MEIKIN: variants seen among roughly 807,000 people sequenced by gnomAD.
MEIKIN encodes meiotic kinetochore factor.
intron 4 of MEIKIN, among the ~76,000 whole-genome samples, chr5:131,936,189 T>A (rs1404272227): frequency 6.6e-6 from 1 of 152,234 alleles, no homozygotes; most frequent in Non-Finnish European, 1.5e-5. Flanking sequence ...TGGGAGGCTG[T>A]CCTGGTGTCA....
intron 8 of MEIKIN, among the ~76,000 whole-genome samples, chr5:131,899,848 T>C (rs1251978826): frequency 6.6e-6 from 1 of 151,994 alleles, no homozygotes; most frequent in Non-Finnish European, 1.5e-5. Context: ...AAGAGAAAAA[T>C]AGGCCCTAAT....
intron 8 of MEIKIN, among the ~76,000 whole-genome samples, chr5:131,891,475 C>T (rs182360068): frequency 1.1e-4 from 16 of 152,330 alleles, no homozygotes; most frequent in Admixed American, 5.2e-4. Flanking sequence ...TATGTAATGG[C>T]CTCCTTTGTC....
At chr5:131,915,306 T>G (rs149263953) in intron 7 of MEIKIN, among the ~76,000 whole-genome samples, 1 of 151,984 alleles carries the variant, frequency 6.6e-6, no homozygotes, top group Non-Finnish European at 1.5e-5. Flanking sequence ...AGGCCTTAAG[T>G]TTATGAGTCA....
At chr5:131,865,715 T>A (rs1410000615) in intron 9 of MEIKIN, among the ~76,000 whole-genome samples, 1 of 152,240 alleles carries the variant, frequency 6.6e-6, no homozygotes, top group Non-Finnish European at 1.5e-5. Context: ...TGTATGTGCA[T>A]ATGTGTTGGT....
chr5:131,911,486 C>G (rs143385879), intron 8 of MEIKIN, among the ~76,000 whole-genome samples: 38 of 151,628 alleles, frequency 2.5e-4, no homozygotes, highest in Non-Finnish European at 4.9e-4. Context: ...TATATGTTCA[C>G]TTATTGTCCT....
At chr5:131,878,869 C>T in intron 9 of MEIKIN, 109 bp downstream of exon 9, 1 of 338,736 alleles carries the variant, frequency 3.0e-6, no homozygotes, top group Non-Finnish European at 5.1e-6. Flanking sequence ...AATGAGACCC[C>T]ATTTCTTAAA....
At chr5:131,906,133 G>A (rs1751238952) in intron 8 of MEIKIN, among the ~76,000 whole-genome samples, 1 of 152,076 alleles carries the variant, frequency 6.6e-6, no homozygotes, top group South Asian at 2.1e-4. Flanking sequence ...ATCTCACAAA[G>A]GTCTAATATC....
intron 12 of MEIKIN, among the ~76,000 whole-genome samples, chr5:131,817,814 G>A (rs1773130752): frequency 6.6e-6 from 1 of 152,154 alleles, no homozygotes; most frequent in Non-Finnish European, 1.5e-5. Context: ...CAAGAATTAA[G>A]AGTGGACATC....
intron 10 of MEIKIN, among the ~76,000 whole-genome samples, chr5:131,851,777 C>T (rs1376076178): frequency 1.3e-5 from 2 of 152,088 alleles, no homozygotes; most frequent in Non-Finnish European, 2.9e-5. Context: ...TTAAAAATTT[C>T]CAAAAAAGAT....
intron 9 of MEIKIN, among the ~76,000 whole-genome samples, chr5:131,878,271 A>G (rs1393306534): frequency 6.6e-6 from 1 of 152,248 alleles, no homozygotes; most frequent in African/African-American, 2.4e-5. Context: ...AGGAATTCCT[A>G]TAAAAGTATT....
At chr5:131,816,294 G>T (rs1773097789) in intron 12 of MEIKIN, among the ~76,000 whole-genome samples, 1 of 152,204 alleles carries the variant, frequency 6.6e-6, no homozygotes, top group Non-Finnish European at 1.5e-5. Flanking sequence ...CAATTATTCA[G>T]TTCAATACTA....
At chr5:131,883,358 A>G (rs1351836614) in intron 8 of MEIKIN, among the ~76,000 whole-genome samples, 3 of 152,226 alleles carry the variant, frequency 2.0e-5, no homozygotes, top group African/African-American at 7.2e-5. Context: ...GAATCTAGGA[A>G]CTAACTTTGA....
chr5:131,843,614 A>G (rs1749957706), intron 11 of MEIKIN, among the ~76,000 whole-genome samples: 1 of 152,246 alleles, frequency 6.6e-6, no homozygotes, highest in Non-Finnish European at 1.5e-5. Context: ...TATTTACTAA[A>G]GCATAGCAAG....
chr5:131,901,687 C>T (rs917317723), intron 8 of MEIKIN, among the ~76,000 whole-genome samples: 1 of 152,100 alleles, frequency 6.6e-6, no homozygotes, highest in Non-Finnish European at 1.5e-5. Flanking sequence ...GGCCTGATAC[C>T]AGCCCCACAG....
intron 11 of MEIKIN, among the ~76,000 whole-genome samples, chr5:131,841,660 G>C (rs763175572): frequency 6.6e-6 from 1 of 152,204 alleles, no homozygotes; most frequent in Non-Finnish European, 1.5e-5. Flanking sequence ...TGATTGTAAC[G>C]AATCTGTAGA....
intron 8 of MEIKIN, among the ~76,000 whole-genome samples, chr5:131,903,788 T>C (rs75564840): frequency 3.9e-5 from 6 of 151,942 alleles, no homozygotes; most frequent in African/African-American, 1.4e-4. Context: ...CACATATCAA[T>C]ACTAACCTTG....
intron 8 of MEIKIN, among the ~76,000 whole-genome samples, chr5:131,888,536 C>T (rs1394926948): frequency 1.9e-4 from 29 of 152,074 alleles, no homozygotes; most frequent in Admixed American, 5.2e-4. Context: ...TCATATCCTT[C>T]GCCCACTTTT....
intron 11 of MEIKIN, among the ~76,000 whole-genome samples, chr5:131,835,181 T>C (rs901402017): frequency 2.6e-5 from 4 of 151,272 alleles, no homozygotes; most frequent in African/African-American, 9.7e-5. Context: ...TATATATGTG[T>C]ATATATATGT....
chr5:131,819,765 A>ATTTCTTT (rs1749453680), intron 11 of MEIKIN, among the ~76,000 whole-genome samples: 4 of 64,576 alleles, frequency 6.2e-5, no homozygotes, highest in African/African-American at 3.1e-4. Flanking sequence ...ACATCCAGCT[A>ATTTCTTT]TTTTTTTTTT....
Sources: gnomAD v4.1 joint callset for allele counts (sites outside exome capture counted in the v4.1 genomes callset) on GRCh38, gnomAD v4.1.1 for gene constraint, MANE v1.5 for transcripts, NCBI Gene and HGNC (gene_info 2026-07-23, HGNC 2026-07-21) for gene names.